Variants in HEPACAM observed in about 807,000 individuals in gnomAD.
HEPACAM encodes the protein hepatic and glial cell adhesion molecule, also known as hepatocyte cell adhesion molecule.
HEPACAM carries 18 observed loss-of-function variants against 38.3 expected under a neutral mutation model. That is an observed-to-expected ratio of 0.47 (90% CI 0.33 to 0.70). The LOEUF is 0.70. Among genes scored for constraint, HEPACAM ranks in the 30% least tolerant of loss-of-function variants. The probability of loss-of-function intolerance (pLI) is 0.03; values close to 1 mark genes in which losing one functional copy is unlikely to be tolerated. For missense variants in HEPACAM, 466 were observed against 563.0 expected (o/e 0.83, Z 1.74); for synonymous variants, 216 against 243.1 (o/e 0.89, Z 1.04).
In HEPACAM at chr11:124,935,904, T is replaced by C. The variant is rs763434087; in HGVS notation, c.85+18A>G. 6.2e-7 allele frequency: 1 copy of C among 1,611,612 alleles called. No homozygotes were observed. ...CGGGTCCTTTCTTCAGACCCTTTCT[T>C]ACCCTCTGGCCTCCTACCTGTCTGG... On this transcript the variant is annotated intron_variant, in intron 1 of 6. Transcript: ENST00000298251.
Position 124,920,696 on chromosome 11 carries a change from A to C in HEPACAM, c.*442T>G. 9.7e-7 allele frequency: 1 copy of C among 1,027,262 alleles called. No individual in the cohort carries two copies. Among genetic ancestry groups the C allele is most frequent in the African/African-American group, 1.7e-5 (1 of 58,020 alleles). 63.6% of individuals were successfully genotyped at this position (1,027,262 alleles called of 1,614,324 possible). A position where few individuals can be genotyped will look rare whatever the true frequency, so the allele number is the denominator to read the frequency against. On this transcript the variant is annotated 3_prime_UTR_variant, in exon 7 of 7. Coordinates refer to ENST00000298251, the MANE Select transcript of HEPACAM (RefSeq NM_152722.5). ...GAACTTGCAAAAAAAAAAAAAAAAA[A>C]AAAAAAAAAAAAAGTGCCCCAGCAC...
chr11:124,926,811 G>A (rs1439956005), intron 1 of HEPACAM, among the ~76,000 whole-genome samples: 1 of 151,998 alleles, frequency 6.6e-6, no homozygotes, highest in Non-Finnish European at 1.5e-5. Context: ...TGCTTGGAGG[G>A]CCCAGACCAA....
chr11:124,922,262 C>A, intron 6 of HEPACAM, 126 bp downstream of exon 6: 1 of 1,046,886 alleles, frequency 9.6e-7, no homozygotes, highest in Non-Finnish European at 1.5e-6. Context: ...TGAAACCAGT[C>A]CCTGGTGCCA....
At chr11:124,932,277 G>A (rs1591553398) in intron 1 of HEPACAM, among the ~76,000 whole-genome samples, 1 of 152,184 alleles carries the variant, frequency 6.6e-6, no homozygotes, top group East Asian at 1.9e-4. Flanking sequence ...TGGGGCTAAA[G>A]AGCATGGAAC....
Position 124,921,454 on chromosome 11 carries a change from C to A in HEPACAM, c.949-14G>T. The A allele has an allele frequency of 7.9e-7, 1 of 1,260,034 alleles. No individual in the cohort carries two copies. Among genetic ancestry groups the A allele is most frequent in the Non-Finnish European group, 1.0e-6 (1 of 1,003,646 alleles). The allele number at this position is 1,260,034 out of a possible 1,614,324, so 78.1% of individuals were successfully genotyped here. A position where few individuals can be genotyped will look rare whatever the true frequency, so the allele number is the denominator to read the frequency against. The stretch of plus-strand genomic sequence containing the variant: ...CTCCGGGGAGTCCTGCAAGGACACG[C>A]GCCGCAGGGGTCAGGGGACAGTCAG... On this transcript the variant is annotated splice_polypyrimidine_tract_variant and intron_variant, in intron 6 of 6. Coordinates refer to ENST00000298251, the MANE Select transcript of HEPACAM (RefSeq NM_152722.5). This position sits in a 1 kb window ranked among gnomAD's most constrained non-coding sequence, Gnocchi z 4.6.
chr11:124,921,023 C>T lies in HEPACAM; in HGVS notation c.*115G>A. 3.6e-6 allele frequency: 5 copies of T among 1,402,182 alleles called. No individual in the cohort carries two copies. The highest frequency in any genetic ancestry group is 4.6e-6 in the Non-Finnish European group (5 of 1,082,512). The allele number at this position is 1,402,182 out of a possible 1,614,324, so 86.9% of individuals were successfully genotyped here. On this transcript the variant is annotated 3_prime_UTR_variant, in exon 7 of 7. Transcript: ENST00000298251. This position sits in a 1 kb window ranked among gnomAD's most constrained non-coding sequence, Gnocchi z 4.6. ...ACGTTCACACCCGAGACACCAGCGC[C>T]CCCCCGGGACCTCCCCTCGTCCCCA...
intron 4 of HEPACAM, 96 bp from the exon 5 acceptor site, chr11:124,922,914 G>C: frequency 2.3e-6 from 3 of 1,282,000 alleles, no homozygotes; most frequent in Non-Finnish European, 3.4e-6. Context: ...CCATAAAAGA[G>C]GCCTTGTGAC....
rs1230810097 is a variant in HEPACAM at position 124,920,644 on chromosome 11, A to C, written c.*494T>G. 3 of 318,904 alleles carry C rather than the reference A, an allele frequency of 9.4e-6. No individual in the cohort carries two copies. 19.8% of individuals were successfully genotyped at this position (318,904 alleles called of 1,614,324 possible). ...TCTCCTTAGCTTAGTGCAGCTGTGG[A>C]TTCTGGGAAAGTGGCCTCTCTAATC... On this transcript the variant is annotated 3_prime_UTR_variant, in exon 7 of 7. Coordinates refer to ENST00000298251, the MANE Select transcript of HEPACAM (RefSeq NM_152722.5).
Position 124,921,147 on chromosome 11 carries a change from G to A in HEPACAM, c.1242C>T (p.Ile414=). 6.5e-7 allele frequency: 1 copy of A among 1,527,226 alleles called. No individual in the cohort carries two copies. Among genetic ancestry groups the A allele is most frequent in the Non-Finnish European group, 8.7e-7 (1 of 1,144,100 alleles). The allele number at this position is 1,527,226 out of a possible 1,614,324, so 94.6% of individuals were successfully genotyped here. Residue 414 remains isoleucine, a synonymous_variant, in exon 7 of 7, where the codon ATC becomes ATT. Coordinates refer to ENST00000298251, the MANE Select transcript of HEPACAM (RefSeq NM_152722.5). The surrounding 1 kb of genome is among the most constrained non-coding windows in gnomAD (Gnocchi z 4.6). ...GGGATCCCGAGGCGGCTCAGGCGCT[G>A]ATCTCCACCGGGCCGGCCTCGTCTT... is the stretch of plus-strand genomic sequence containing the variant. The part of the protein sequence containing the change: ...REQDEAGPVE[I]SA
Position 124,919,535 on chromosome 11 carries a change from T to C in HEPACAM, c.*1603A>G. On this transcript the variant is annotated 3_prime_UTR_variant, in exon 7 of 7. Coordinates refer to ENST00000298251, the MANE Select transcript of HEPACAM (RefSeq NM_152722.5). ...AGTCCTGCTGCCTCTTCCACCTTCT[T>C]GAGAAACTTTTCCCCTACATGCATT... 2 of 588,284 alleles carry C rather than the reference T, an allele frequency of 3.4e-6. No individual in the cohort carries two copies. The highest frequency in any genetic ancestry group is 6.0e-6 in the Non-Finnish European group (2 of 332,892). 36.4% of individuals were successfully genotyped at this position (588,284 alleles called of 1,614,324 possible).
At chr11:124,934,983 A>G (rs1947324792) in intron 1 of HEPACAM, among the ~76,000 whole-genome samples, 1 of 152,100 alleles carries the variant, frequency 6.6e-6, no homozygotes, top group African/African-American at 2.4e-5. Flanking sequence ...CTGACTAAAC[A>G]CTTGATGTTA....
chr11:124,924,116 C>A lies in HEPACAM; in HGVS notation c.428-106G>T. 1 of 1,100,600 alleles carries A rather than the reference C, an allele frequency of 9.1e-7. No homozygotes were observed. Among genetic ancestry groups the A allele is most frequent in the South Asian group, 1.3e-5 (1 of 74,118 alleles). 68.2% of individuals were successfully genotyped at this position (1,100,600 alleles called of 1,614,324 possible). On this transcript the variant is annotated intron_variant, in intron 2 of 6. Transcript: ENST00000298251. The surrounding 1 kb of genome is among the most constrained non-coding windows in gnomAD (Gnocchi z 4.4). ...ACACACCTTTAACACTACCTTCCAA[C>A]TCAATCTGTGGGCTGAGAAGACTTC...
chr11:124,925,096 G>A (rs990054717), intron 1 of HEPACAM, 27 bp from the exon 2 acceptor site: 7 of 1,549,556 alleles, frequency 4.5e-6, no homozygotes, highest in East Asian at 2.3e-5. Flanking sequence ...ATGAGGAAGA[G>A]GGAAGCATCA....
At chr11:124,928,431 A>G (rs1356357837) in intron 1 of HEPACAM, among the ~76,000 whole-genome samples, 1 of 152,222 alleles carries the variant, frequency 6.6e-6, no homozygotes, top group Non-Finnish European at 1.5e-5. Context: ...GCTGGGGAAC[A>G]TCTACCCCCT....
rs1947090252 is a variant in HEPACAM at position 124,919,242 on chromosome 11, CAT to C, written c.*1894_*1895del. The C allele has an allele frequency of 6.5e-6, 1 of 154,514 alleles. No individual in the cohort carries two copies. The highest frequency in any genetic ancestry group is 2.4e-5 in the African/African-American group (1 of 41,496). 9.6% of individuals were successfully genotyped at this position (154,514 alleles called of 1,614,324 possible). ...CCTTGTTTATGTGGAATAAAGTTGT[CAT>C]TTCATTTCATCAAAAGTTTATTGAG... On this transcript the variant is annotated 3_prime_UTR_variant, in exon 7 of 7. Transcript: ENST00000298251.
Position 124,924,823 on chromosome 11 carries a change from T to C in HEPACAM, c.332A>G (p.Asp111Gly). Residue 111 changes from aspartate to glycine, a missense_variant, in exon 2 of 7, where the codon GAC (aspartate) becomes GGC (glycine). Asp to Gly is a moderately conservative substitution (Grantham distance 94). Transcript: ENST00000298251. This position sits in a 1 kb window ranked among gnomAD's most constrained non-coding sequence, Gnocchi z 4.4. ...LFENGSLLLS[D>G]LQLADEGTYE... Reference sequence around the variant, plus strand: ...GGTGCCCTCATCGGCCAGCTGCAGGTCGCTGAGAAGCAGGGAGCCATTTTC... The same window carrying C: ...GGTGCCCTCATCGGCCAGCTGCAGGCCGCTGAGAAGCAGGGAGCCATTTTC... 1 of 1,614,146 alleles carries C rather than the reference T, an allele frequency of 6.2e-7. No individual in the cohort carries two copies. The highest frequency in any genetic ancestry group is 8.5e-7 in the Non-Finnish European group (1 of 1,180,026).
Position 124,927,510 on chromosome 11 carries a change from G to GTTTTTTTTTTTTTTTTTTTTTTT in HEPACAM, c.86-2442_86-2441insAAAAAAAAAAAAAAAAAAAAAAA, listed in dbSNP as rs763291809. 5.0e-5 allele frequency among the ~76,000 whole-genome samples: 5 copies of GTTTTTTTTTTTTTTTTTTTTTTT among 99,192 alleles called. 1 individual carries two copies. Among genetic ancestry groups the GTTTTTTTTTTTTTTTTTTTTTTT allele is most frequent in the African/African-American group, 1.7e-4 (4 of 23,840 alleles). 65.1% of individuals were successfully genotyped at this position (99,192 alleles called of 152,430 possible). A position where few individuals can be genotyped will look rare whatever the true frequency, so the allele number is the denominator to read the frequency against. On this transcript the variant is annotated intron_variant, in intron 1 of 6. Coordinates refer to ENST00000298251, the MANE Select transcript of HEPACAM (RefSeq NM_152722.5). ...GGCATGTGCCACTATGCCCAGCTAG[G>GTTTTTTTTTTTTTTTTTTTTTTT]TTTTTTTTTTTTGTTTTTTTTTTTT...
intron 5 of HEPACAM, 79 bp from the exon 6 acceptor site, chr11:124,922,537 C>T (rs1947154355): frequency 5.0e-6 from 8 of 1,596,058 alleles, no homozygotes; most frequent in Non-Finnish European, 6.9e-6. Flanking sequence ...CTGTGCTTCC[C>T]GAATGGCCCG....
At chr11:124,927,155 C>T (rs11219841) in intron 1 of HEPACAM, among the ~76,000 whole-genome samples, 48 of 152,286 alleles carry the variant, frequency 3.2e-4, no homozygotes, top group Non-Finnish European at 6.0e-4. Flanking sequence ...CAGGCATGAG[C>T]CACTGCGTGG....
Sources: gnomAD v4.1 joint callset for allele counts (sites outside exome capture counted in the v4.1 genomes callset) on GRCh38, gnomAD v4.1.1 for gene constraint, Gnocchi (gnomAD v3.1) non-coding constraint, MANE v1.5 for transcripts, NCBI Gene and HGNC (gene_info 2026-07-23, HGNC 2026-07-21) for gene names.